The following KRT86 variants were observed in gnomAD, a reference collection of about 807,000 sequenced individuals.
KRT86 encodes the protein keratin 86.
In KRT86, 30 loss-of-function variants were observed where a neutral mutation model predicts 41.2. The observed-to-expected ratio is 0.73, with a 90% CI of 0.54 to 0.99. The LOEUF (loss-of-function observed/expected upper bound fraction) is 0.99, where lower values mean the gene tolerates loss of function less well. KRT86 is among the 50% of genes least tolerant of loss of function. The probability of loss-of-function intolerance (pLI) is 0.00; values close to 1 mark genes in which losing one functional copy is unlikely to be tolerated. For missense variants in KRT86, 561 were observed against 571.4 expected, an observed-to-expected ratio of 0.98 and a Z score of 0.19; for synonymous variants, 238 against 238.1, an observed-to-expected ratio of 1.00 and a Z score of 0.00.
intron 2 of KRT86, chr12:52,291,469 C>G (rs780179904): frequency 6.8e-5 from 110 of 1,612,526 alleles, no homozygotes; most frequent in Non-Finnish European, 8.4e-5. Flanking sequence ...AGGTCATGAT[C>G]CTCCTGGACG....
chr12:52,295,519 A>G (rs1279848827), intron 2 of KRT86, among the ~76,000 whole-genome samples: 1 of 152,074 alleles, frequency 6.6e-6, no homozygotes, highest in Non-Finnish European at 1.5e-5. Context: ...AAACACAAAC[A>G]CTCATCTTGC....
chr12:52,305,878 C>A lies in KRT86; in HGVS notation c.1026+90C>A, dbSNP rs907269588. ...TGTGCCCTATCTGGATCTCAGCATT[C>A]ATTCTCCAGCCCCTCTGTCCATGTA... On this transcript the variant is annotated intron_variant, in intron 8 of 10. Coordinates refer to ENST00000423955, the MANE Select transcript of KRT86 (RefSeq NM_001320198.2). 41 of 1,608,746 alleles carry A rather than the reference C, an allele frequency of 2.5e-5. No individual in the cohort carries two copies. The African/African-American group carries it at 5.3e-4, about 21-fold the overall frequency.
chr12:52,294,958 CT>C (rs1938215655), intron 2 of KRT86, among the ~76,000 whole-genome samples: 1 of 152,184 alleles, frequency 6.6e-6, no homozygotes, highest in Non-Finnish European at 1.5e-5. Flanking sequence ...TTCATTTTCA[CT>C]GTGGATTGCA....
intron 2 of KRT86, among the ~76,000 whole-genome samples, chr12:52,297,575 C>T (rs751086406): frequency 6.6e-6 from 1 of 152,254 alleles, no homozygotes; most frequent in East Asian, 1.9e-4. Context: ...ATGTTAAAAC[C>T]ACCTAATTTG....
chr12:52,306,160 A>C lies in KRT86; in HGVS notation c.1127A>C (p.Gln376Pro). The C allele has an allele frequency of 6.2e-7, 1 of 1,613,950 alleles. No individual in the cohort carries two copies. ...CKLAELEGALQKAKQDMACLI... is the reference protein window; with the variant it reads ...CKLAELEGALPKAKQDMACLI... ...TTGGCCGAGCTGGAGGGTGCCCTGCAGAAGGCCAAGCAGGACATGGCCTGC... is the reference window on the plus strand; with the variant it reads ...TTGGCCGAGCTGGAGGGTGCCCTGCCGAAGGCCAAGCAGGACATGGCCTGC... The change falls in exon 9 of 11, where the codon CAG becomes CCG. Residue 376 changes from glutamine to proline, a missense_variant. By Grantham distance (76) the Gln-to-Pro change is moderately conservative. This residue lies in a region of KRT86 where 397 missense variants were observed against 375.9 expected (regional missense o/e 1.06). Transcript: ENST00000423955.
intron 2 of KRT86, among the ~76,000 whole-genome samples, chr12:52,281,008 G>C (rs1937760315): frequency 6.6e-6 from 1 of 152,036 alleles, no homozygotes; most frequent in East Asian, 1.9e-4. Context: ...AGATCCCCAG[G>C]GCTTTGGGGT....
At chr12:52,297,352 C>T (rs1938274152) in intron 2 of KRT86, among the ~76,000 whole-genome samples, 1 of 152,188 alleles carries the variant, frequency 6.6e-6, no homozygotes. Flanking sequence ...AGCTCCAGAA[C>T]CCATGTTTCC....
chr12:52,291,675 G>A (rs1203380279), intron 2 of KRT86: 3 of 682,010 alleles, frequency 4.4e-6, no homozygotes, highest in Non-Finnish European at 7.3e-6. Context: ...GCTTTAATGG[G>A]GGAGTGGCCT....
chr12:52,275,321 GA>G (rs1412126904), intron 1 of KRT86, among the ~76,000 whole-genome samples: 2 of 152,156 alleles, frequency 1.3e-5, no homozygotes, highest in African/African-American at 4.8e-5. Context: ...GAAGAAGCTG[GA>G]ATCTAGATCA....
intron 2 of KRT86, chr12:52,286,879 G>C: frequency 6.2e-7 from 1 of 1,600,204 alleles, no homozygotes; most frequent in Non-Finnish European, 8.6e-7. Context: ...GGCTGAAAAA[G>C]CTCCCCAGTT....
chr12:52,296,469 G>A (rs924814520), intron 2 of KRT86, among the ~76,000 whole-genome samples: 6 of 152,184 alleles, frequency 3.9e-5, no homozygotes, highest in Admixed American at 6.5e-5. Flanking sequence ...GGCGAGGGAG[G>A]TGCAGGCACC....
chr12:52,283,891 A>T (rs1219851830), intron 2 of KRT86, among the ~76,000 whole-genome samples: 2 of 152,162 alleles, frequency 1.3e-5, no homozygotes, highest in Non-Finnish European at 2.9e-5. Context: ...CACCCGGGGC[A>T]TTATGTGTTT....
At chr12:52,301,862 C>T in intron 2 of KRT86, 51 bp from the exon 3 acceptor site, 2 of 1,613,594 alleles carry the variant, frequency 1.2e-6, no homozygotes, top group Non-Finnish European at 1.7e-6. Flanking sequence ...GACCACTGTG[C>T]TCTCCATTCG....
Position 52,302,841 on chromosome 12 carries a change from T to TGG in KRT86, c.370-250_370-249dup, listed in dbSNP as rs71092757. Reference sequence around the variant, plus strand: ...TCTGTTCATCTGCTTGGGTGGGGGGTGGGGGGGGGGTCACTCAACTCCCCA... The same window carrying TGG: ...TCTGTTCATCTGCTTGGGTGGGGGGTGGGGGGGGGGGGTCACTCAACTCCCCA... On this transcript the variant is annotated intron_variant, in intron 3 of 10. Coordinates refer to ENST00000423955, the MANE Select transcript of KRT86 (RefSeq NM_001320198.2). 0.05 allele frequency among the ~76,000 whole-genome samples: 6,252 copies of TGG among 125,594 alleles called. 25 individuals carry two copies. The highest frequency in any genetic ancestry group is 0.07 in the African/African-American group (2,352 of 33,462). 82.4% of individuals were successfully genotyped at this position (125,594 alleles called of 152,430 possible).
intron 2 of KRT86, among the ~76,000 whole-genome samples, chr12:52,294,134 C>T (rs1222096364): frequency 6.6e-6 from 1 of 152,150 alleles, no homozygotes; most frequent in Non-Finnish European, 1.5e-5. Flanking sequence ...TTCTGAAGCT[C>T]TTTGTACCCT....
In KRT86 at chr12:52,308,826, G is replaced by A. The variant is rs1380978893; in HGVS notation, c.*241G>A. 1.2e-5 allele frequency: 7 copies of A among 564,070 alleles called. No individual in the cohort carries two copies. Among genetic ancestry groups the A allele is most frequent in the South Asian group, 2.1e-5 (1 of 47,124 alleles). 34.9% of individuals were successfully genotyped at this position (564,070 alleles called of 1,614,324 possible). A position where few individuals can be genotyped will look rare whatever the true frequency, so the allele number is the denominator to read the frequency against. Reference sequence around the variant, plus strand: ...CCTGGTAGTCAATTTGTTGTCCCGAGGATTCATCTTTTTCTTCCGCCTGCC... The same window carrying A: ...CCTGGTAGTCAATTTGTTGTCCCGAAGATTCATCTTTTTCTTCCGCCTGCC... On this transcript the variant is annotated 3_prime_UTR_variant, in exon 11 of 11. Transcript: ENST00000423955.
At chr12:52,297,575 CA>C (rs1202982723) in intron 2 of KRT86, among the ~76,000 whole-genome samples, 8 of 152,136 alleles carry the variant, frequency 5.3e-5, no homozygotes, top group African/African-American at 1.9e-4. Flanking sequence ...ATGTTAAAAC[CA>C]CCTAATTTGC....
At position 52,305,346 on chromosome 12, in the gene KRT86, A is replaced by C. The variant is rs369890550; in HGVS notation, c.842A>C (p.Gln281Pro). The C allele has an allele frequency of 8.1e-6, 13 of 1,614,266 alleles. No individual in the cohort carries two copies. Among genetic ancestry groups the C allele is most frequent in the Non-Finnish European group, 1.1e-5 (13 of 1,180,048 alleles). Residue 281 changes from glutamine to proline, a missense_variant, in exon 7 of 11, where the codon CAG becomes CCG. Transcript: ENST00000423955. ...TGCATCATTGCCGAGATCAAGGCACAGTACGATGACATTGTCACCCGTAGC... is the reference window on the plus strand; with the variant it reads ...TGCATCATTGCCGAGATCAAGGCACCGTACGATGACATTGTCACCCGTAGC... The part of the protein sequence containing the change: ...MDCIIAEIKA[Q>P]YDDIVTRSRA...
At position 52,306,049 on chromosome 12, in the gene KRT86, G is replaced by T. The variant is rs757636205; in HGVS notation, c.1027-11G>T. The T allele has an allele frequency of 4.3e-5, 70 of 1,613,600 alleles. No homozygotes were observed. Among genetic ancestry groups the T allele is most frequent in the Non-Finnish European group, 5.5e-5 (65 of 1,179,988 alleles). On this transcript the variant is annotated splice_polypyrimidine_tract_variant and intron_variant, in intron 8 of 10. Coordinates refer to ENST00000423955, the MANE Select transcript of KRT86 (RefSeq NM_001320198.2). ...GACTCTAATCTACCTTGTTCTCTCTGTTCTCTTCAGAATTCCAAGCTGGAG... is the reference window on the plus strand; with the variant it reads ...GACTCTAATCTACCTTGTTCTCTCTTTTCTCTTCAGAATTCCAAGCTGGAG...
Sources: gnomAD v4.1 joint callset for allele counts (sites outside exome capture counted in the v4.1 genomes callset) on GRCh38, gnomAD v4.1.1 for gene constraint, gnomAD v4.1.1 regional missense constraint, MANE v1.5 for transcripts, NCBI Gene and HGNC (gene_info 2026-07-23, HGNC 2026-07-21) for gene names.